RALGAPA1: variants seen among roughly 807,000 people sequenced by gnomAD.
RALGAPA1 encodes Ral GTPase activating protein catalytic subunit alpha 1.
A neutral mutation model predicts 269.6 loss-of-function variants in RALGAPA1; 52 were observed. The observed-to-expected ratio is 0.19, with a 90% CI of 0.15 to 0.24. The LOEUF (loss-of-function observed/expected upper bound fraction) is 0.24. RALGAPA1 is among the 10% of genes least tolerant of loss of function. The pLI, the probability that RALGAPA1 is intolerant of heterozygous loss-of-function variation, is 1.00. For synonymous variants in RALGAPA1, 817 were observed against 1,008.3 expected, an observed-to-expected ratio of 0.81 and a Z score of 3.60; for missense variants, 1,917 against 3,013.9, an observed-to-expected ratio of 0.64 and a Z score of 8.52.
intron 37 of RALGAPA1, among the ~76,000 whole-genome samples, chr14:35,577,282 A>G (rs2057632317): frequency 6.6e-6 from 1 of 150,822 alleles, no homozygotes; most frequent in South Asian, 2.2e-4. Flanking sequence ...CCACCCCCCA[A>G]ATTCATATTG....
At chr14:35,628,484 A>C (rs1444777938) in intron 33 of RALGAPA1, among the ~76,000 whole-genome samples, 1 of 152,188 alleles carries the variant, frequency 6.6e-6, no homozygotes, top group Non-Finnish European at 1.5e-5. Flanking sequence ...ACAAAATAAA[A>C]CAAAAAACAA....
At chr14:35,699,402 A>T (rs906537265) in intron 17 of RALGAPA1, among the ~76,000 whole-genome samples, 4 of 152,120 alleles carry the variant, frequency 2.6e-5, no homozygotes, top group African/African-American at 9.7e-5. Context: ...GTGATGGTTA[A>T]TAGGGGTATG....
chr14:35,790,083 T>C (rs139930527), intron 1 of RALGAPA1, among the ~76,000 whole-genome samples: 42 of 151,932 alleles, frequency 2.8e-4, no homozygotes, highest in African/African-American at 9.2e-4. Context: ...TGAAACCCCA[T>C]CTCTACTAAA....
chr14:35,798,241 G>A (rs531979271), intron 1 of RALGAPA1, among the ~76,000 whole-genome samples: 34 of 148,822 alleles, frequency 2.3e-4, no homozygotes, highest in Middle Eastern at 8.1e-3. Flanking sequence ...GCATGAACAC[G>A]GCTGACTGTA....
chr14:35,753,335 T>C (rs1342460474), intron 7 of RALGAPA1, among the ~76,000 whole-genome samples: 5 of 151,892 alleles, frequency 3.3e-5, no homozygotes, highest in South Asian at 4.1e-4. Context: ...AGTAAACAAA[T>C]GGGGAGGGGA....
intron 16 of RALGAPA1, among the ~76,000 whole-genome samples, chr14:35,717,543 A>G (rs1470285836): frequency 6.6e-6 from 1 of 152,118 alleles, no homozygotes. Context: ...CGTAATTATG[A>G]TACAGGAAGT....
chr14:35,676,281 A>C (rs1051191859), intron 22 of RALGAPA1: 5 of 151,688 alleles, frequency 3.3e-5, no homozygotes, highest in African/African-American at 1.2e-4. Context: ...GCACGACCTC[A>C]GTTCACTGCA....
chr14:35,702,796 G>T (rs1419704855), intron 16 of RALGAPA1, among the ~76,000 whole-genome samples: 1 of 148,630 alleles, frequency 6.7e-6, no homozygotes, highest in African/African-American at 2.5e-5. Context: ...CTGGAGTGCA[G>T]TGGCGCGATC....
chr14:35,630,886 G>T (rs897289941), intron 33 of RALGAPA1, among the ~76,000 whole-genome samples: 12 of 151,696 alleles, frequency 7.9e-5, no homozygotes, highest in African/African-American at 2.7e-4. Context: ...AAATAAAAAA[G>T]AAAATAAATA....
intron 31 of RALGAPA1, among the ~76,000 whole-genome samples, chr14:35,650,146 T>C (rs980933383): frequency 6.6e-6 from 1 of 152,000 alleles, no homozygotes; most frequent in Non-Finnish European, 1.5e-5. Context: ...CCGAGGCAGG[T>C]GGATCACTTG....
At chr14:35,725,367 T>G (rs892761688) in intron 13 of RALGAPA1, among the ~76,000 whole-genome samples, 6 of 152,110 alleles carry the variant, frequency 3.9e-5, no homozygotes, top group Non-Finnish European at 7.4e-5. Flanking sequence ...GGCCACAATA[T>G]CCTCTCATCA....
chr14:35,763,525 A>T (rs900283934), intron 4 of RALGAPA1, among the ~76,000 whole-genome samples: 4 of 152,134 alleles, frequency 2.6e-5, no homozygotes, highest in Admixed American at 6.5e-5. Flanking sequence ...TTATTTTTTT[A>T]AAAAGTTATT....
At chr14:35,744,589 A>G (rs2071874197) in intron 10 of RALGAPA1, among the ~76,000 whole-genome samples, 1 of 152,170 alleles carries the variant, frequency 6.6e-6, no homozygotes, top group African/African-American at 2.4e-5. Context: ...ATGATGATGG[A>G]AAGTTAAGGT....
chr14:35,586,669 A>G (rs1329360371), intron 37 of RALGAPA1, among the ~76,000 whole-genome samples: 1 of 152,218 alleles, frequency 6.6e-6, no homozygotes, highest in Admixed American at 6.5e-5. Context: ...AGAGCTGTTG[A>G]ATTTTGTCGA....
In RALGAPA1 at chr14:35,556,441, C is replaced by A. The variant is rs190790677; in HGVS notation, c.7497-7207G>T. The stretch of plus-strand genomic sequence containing the variant: ...GTAACTAATTTTTTCCAGAAACATG[C>A]AGTCTAGTTCACATGTAGTAAAAAA... On this transcript the variant is annotated intron_variant, in intron 39 of 41. Transcript: ENST00000680220. Among the ~76,000 whole-genome samples, 397 of 152,224 alleles carry A rather than the reference C, an allele frequency of 2.6e-3. 2 individuals carry two copies. Among genetic ancestry groups the A allele is most frequent in the African/African-American group, 9.2e-3 (384 of 41,554 alleles).
intron 1 of RALGAPA1, among the ~76,000 whole-genome samples, chr14:35,782,099 C>G (rs1440152369): frequency 1.3e-5 from 2 of 152,086 alleles, no homozygotes; most frequent in Non-Finnish European, 2.9e-5. Flanking sequence ...ACCAAAAAAT[C>G]CTATCTGACT....
chr14:35,791,848 G>A (rs1161618124), intron 1 of RALGAPA1, among the ~76,000 whole-genome samples: 4 of 139,104 alleles, frequency 2.9e-5, no homozygotes, highest in African/African-American at 2.7e-5. Context: ...GGAGCTTGCA[G>A]TGAGCCGAGA....
chr14:35,615,168 A>G (rs183429884), intron 35 of RALGAPA1, among the ~76,000 whole-genome samples: 24 of 152,316 alleles, frequency 1.6e-4, no homozygotes, highest in Admixed American at 1.5e-3. Flanking sequence ...TTCTATAAGA[A>G]TATGTATAGT....
chr14:35,727,669 T>C (rs1324642647), intron 13 of RALGAPA1, among the ~76,000 whole-genome samples: 2 of 152,086 alleles, frequency 1.3e-5, no homozygotes, highest in Non-Finnish European at 2.9e-5. Context: ...AGTTCTATGG[T>C]GGTAAACAGA....
Sources: allele counts gnomAD v4.1 joint callset (sites outside exome capture counted in the v4.1 genomes callset), GRCh38; gene constraint gnomAD v4.1.1; transcripts MANE v1.5; gene names NCBI Gene and HGNC (gene_info 2026-07-23, HGNC 2026-07-21).